COL5A1: variants seen among roughly 807,000 people sequenced by gnomAD.
COL5A1 encodes collagen type V alpha 1 chain.
COL5A1 carries 16 observed loss-of-function variants against 263.7 expected under a neutral mutation model. The observed-to-expected ratio is 0.06, with a 90% CI of 0.04 to 0.09. COL5A1 has a LOEUF of 0.09. Among genes scored for constraint, COL5A1 ranks in the 10% least tolerant of loss-of-function variants. The probability of loss-of-function intolerance (pLI) is 1.00; values close to 1 mark genes in which losing one functional copy is unlikely to be tolerated. For synonymous variants in COL5A1, 1,012 were observed against 1,004.5 expected (o/e 1.01, Z -0.14); for missense variants, 2,036 against 2,540.5 (o/e 0.80, Z 4.27).
At position 134,814,895 on chromosome 9, in the gene COL5A1, A is replaced by G. The variant is rs2132853979; in HGVS notation, c.4005A>G (p.Lys1335=). Residue 1335 remains lysine (K), a synonymous_variant, in exon 50 of 66, where the codon AAA becomes AAG. Transcript: ENST00000371817. ...GCCCTCCCGGAGATGATGGTCCCAA[A>G]GGCAGCCCTGTGAGTATTCCAGACA... ...PKGPPGDDGP[K]GSPGPVGFPG... 1.9e-6 allele frequency: 3 copies of G among 1,550,592 alleles called. No homozygotes were observed. The highest frequency in any genetic ancestry group is 2.6e-6 in the Non-Finnish European group (3 of 1,146,738).
Position 134,757,353 on chromosome 9 carries a change from G to T in COL5A1, c.1881+535G>T, listed in dbSNP as rs1243204268. On this transcript the variant is annotated intron_variant, in intron 17 of 65. Coordinates refer to ENST00000371817, the MANE Select transcript of COL5A1 (RefSeq NM_000093.5). This position sits in a 1 kb window ranked among gnomAD's most constrained non-coding sequence, Gnocchi z 6.2. ...CCAGCACTGCTGTGAGCATTGCCCC[G>T]GTCTTGGCTCACCCCTCCTCCTCGC... Among the ~76,000 whole-genome samples, 1 of 152,132 alleles carries T rather than the reference G, an allele frequency of 6.6e-6. No individual in the cohort carries two copies. Among genetic ancestry groups the T allele is most frequent in the Non-Finnish European group, 1.5e-5 (1 of 68,024 alleles).
chr9:134,733,471 C>T (rs1283626247), intron 9 of COL5A1, among the ~76,000 whole-genome samples: 1 of 152,208 alleles, frequency 6.6e-6, no homozygotes, highest in African/African-American at 2.4e-5. Flanking sequence ...CCTACAGACA[C>T]ATCCTTTTCT....
intron 39 of COL5A1, 123 bp downstream of exon 39, chr9:134,803,118 G>A (rs756116484): frequency 6.3e-5 from 52 of 828,334 alleles, no homozygotes; most frequent in South Asian, 4.2e-4. Context: ...TTCTCATGCC[G>A]GTTCACTCCC....
At chr9:134,779,995 C>A in intron 27 of COL5A1, 107 bp from the exon 28 acceptor site, 1 of 1,272,406 alleles carries the variant, frequency 7.9e-7, no homozygotes, top group South Asian at 1.2e-5. Context: ...GCGCTGGCCT[C>A]ATCTGTCAGC....
chr9:134,651,523 A>G (rs1831686053), intron 1 of COL5A1, among the ~76,000 whole-genome samples: 1 of 152,202 alleles, frequency 6.6e-6, no homozygotes, highest in African/African-American at 2.4e-5. Context: ...AATGAAAATA[A>G]AAATAAAAAT....
intron 2 of COL5A1, among the ~76,000 whole-genome samples, chr9:134,693,395 T>C (rs978994610): frequency 4.6e-5 from 7 of 152,226 alleles, no homozygotes; most frequent in Non-Finnish European, 1.0e-4. Context: ...TGCGGGATTT[T>C]TTTTTAAGTC....
rs368571623 is a variant in COL5A1 at position 134,744,954 on chromosome 9, C to T, written c.1495-5588C>T. Among the ~76,000 whole-genome samples, 3 of 152,266 alleles carry T rather than the reference C, an allele frequency of 2.0e-5. No homozygotes were observed. In the South Asian group the frequency reaches 6.2e-4, roughly 31 times the overall value. On this transcript the variant is annotated intron_variant, in intron 11 of 65. Transcript: ENST00000371817. ...GCACACACATCTACATGCACGCGTG[C>T]GCTGTCTGGGTTCACCTCCACACGG...
At chr9:134,825,420 G>C (rs868187648) in intron 62 of COL5A1, among the ~76,000 whole-genome samples, 2 of 152,108 alleles carry the variant, frequency 1.3e-5, no homozygotes, top group South Asian at 2.1e-4. Context: ...TGCAAGATTC[G>C]AGGGATGTTC....
In COL5A1 at chr9:134,789,286, G is replaced by A; in HGVS notation, c.2700+78G>A. The A allele has an allele frequency of 8.2e-7, 1 of 1,213,096 alleles. No homozygotes were observed. The highest frequency in any genetic ancestry group is 1.2e-6 in the Non-Finnish European group (1 of 828,512). 75.1% of individuals were successfully genotyped at this position (1,213,096 alleles called of 1,614,324 possible). A position where few individuals can be genotyped will look rare whatever the true frequency, so the allele number is the denominator to read the frequency against. ...TAGCAAGTTGGTTCTCCAGCCGACG[G>A]CCTGTTTATTTCTCACTCTCTTGCT... is the stretch of plus-strand genomic sequence containing the variant. On this transcript the variant is annotated intron_variant, in intron 32 of 65. Transcript: ENST00000371817. This position sits in a 1 kb window ranked among gnomAD's most constrained non-coding sequence, Gnocchi z 4.8.
At chr9:134,661,337 C>T (rs1832197612) in intron 1 of COL5A1, among the ~76,000 whole-genome samples, 1 of 151,556 alleles carries the variant, frequency 6.6e-6, no homozygotes, top group Non-Finnish European at 1.5e-5. Flanking sequence ...CAGCTGTTTG[C>T]ACCACCCCAG....
In COL5A1 at chr9:134,844,698, G is replaced by T. The variant is rs4504708; in HGVS notation, c.*2395G>T. 0.77 allele frequency: 116,576 copies of T among 152,208 alleles called. 45,073 individuals are homozygous for T. The highest frequency in any genetic ancestry group is 0.86 in the African/African-American group (35,659 of 41,532). 9.4% of individuals were successfully genotyped at this position (152,208 alleles called of 1,614,324 possible). A position where few individuals can be genotyped will look rare whatever the true frequency, so the allele number is the denominator to read the frequency against. ...ACAATGTCAAATGACACATTGTACGGTTTCAAAAAATCCGCTAGACATGTC... is the reference window on the plus strand; with the variant it reads ...ACAATGTCAAATGACACATTGTACGTTTTCAAAAAATCCGCTAGACATGTC... On this transcript the variant is annotated 3_prime_UTR_variant, in exon 66 of 66. Coordinates refer to ENST00000371817, the MANE Select transcript of COL5A1 (RefSeq NM_000093.5).
chr9:134,685,793 C>A (rs1043135741), intron 1 of COL5A1, among the ~76,000 whole-genome samples: 4 of 147,382 alleles, frequency 2.7e-5, no homozygotes, highest in African/African-American at 9.9e-5. Context: ...CATCCATTGT[C>A]CATCATCCAT....
At chr9:134,728,571 G>T in intron 5 of COL5A1, 99 bp from the exon 6 acceptor site, 1 of 1,556,926 alleles carries the variant, frequency 6.4e-7, no homozygotes, top group Non-Finnish European at 8.8e-7. Context: ...TGGACGGGGC[G>T]TCGTGGCGTG....
rs746154100 is a variant in COL5A1 at position 134,767,363 on chromosome 9, G to T, written c.2232+9G>T. 1.4e-5 allele frequency: 23 copies of T among 1,613,662 alleles called. No homozygotes were observed. Among genetic ancestry groups the T allele is most frequent in the Non-Finnish European group, 1.9e-5 (23 of 1,179,900 alleles). On this transcript the variant is annotated intron_variant, in intron 24 of 65. Coordinates refer to ENST00000371817, the MANE Select transcript of COL5A1 (RefSeq NM_000093.5). ...GTCCTCCAGGAGAAAAGGTAGGTGG[G>T]CCTGGGCTGTGTTGCAGGCCACTGC... is the stretch of plus-strand genomic sequence containing the variant.
chr9:134,698,425 G>A (rs868093100), intron 2 of COL5A1, among the ~76,000 whole-genome samples: 1 of 151,722 alleles, frequency 6.6e-6, no homozygotes, highest in Non-Finnish European at 1.5e-5. Context: ...GCTCACGCAG[G>A]CTCTGGGTTG....
At chr9:134,667,071 T>C (rs1208005991) in intron 1 of COL5A1, among the ~76,000 whole-genome samples, 1 of 152,154 alleles carries the variant, frequency 6.6e-6, no homozygotes, top group African/African-American at 2.4e-5. Context: ...GACGAGCTTG[T>C]TTTAGAAAAG....
chr9:134,747,696 T>C (rs111066203), intron 11 of COL5A1, among the ~76,000 whole-genome samples: 30,797 of 144,070 alleles, frequency 0.21, 3,363 homozygotes, highest in East Asian at 0.37. Flanking sequence ...TGCAAACACA[T>C]GCACACATGC....
At chr9:134,731,855 C>T (rs910986902) in intron 8 of COL5A1, among the ~76,000 whole-genome samples, 192 bp downstream of exon 8, 1 of 152,190 alleles carries the variant, frequency 6.6e-6, no homozygotes, top group African/African-American at 2.4e-5. Flanking sequence ...TGTATCGGAG[C>T]ATACTCTCCT....
At chr9:134,811,432 C>A in intron 45 of COL5A1, 40 bp downstream of exon 45, 3 of 1,612,212 alleles carry the variant, frequency 1.9e-6, no homozygotes, top group Non-Finnish European at 1.7e-6. Flanking sequence ...AAGCCCCACG[C>A]CCCCCCAGAG....
Sources: gnomAD v4.1 joint callset for allele counts (sites outside exome capture counted in the v4.1 genomes callset) on GRCh38, gnomAD v4.1.1 for gene constraint, Gnocchi (gnomAD v3.1) non-coding constraint, MANE v1.5 for transcripts, NCBI Gene and HGNC (gene_info 2026-07-23, HGNC 2026-07-21) for gene names.